Variants in ANKS1B observed in about 807,000 individuals in gnomAD.
ANKS1B encodes the protein ankyrin repeat and sterile alpha motif domain containing 1B, also known as ankyrin repeat and sterile alpha motif domain-containing protein 1B.
ANKS1B carries 36 observed loss-of-function variants against 148.3 expected under a neutral mutation model. That is an observed-to-expected ratio of 0.24 (90% CI 0.19 to 0.32). ANKS1B has a LOEUF of 0.32. Among genes scored for constraint, ANKS1B ranks in the 10% least tolerant of loss-of-function variants. The pLI, the probability that ANKS1B is intolerant of heterozygous loss-of-function variation, is 1.00. For missense variants in ANKS1B, 1,157 were observed against 1,542.6 expected (o/e 0.75, Z 4.19); for synonymous variants, 542 against 560.8 (o/e 0.97, Z 0.47).
At chr12:98,951,558 G>A (rs1309600712) in intron 17 of ANKS1B, among the ~76,000 whole-genome samples, 3 of 152,002 alleles carry the variant, frequency 2.0e-5, no homozygotes, top group South Asian at 2.1e-4. Context: ...GCCCTGACTC[G>A]GTAGCCTGGC....
At chr12:98,963,826 G>A (rs573767941) in intron 17 of ANKS1B, among the ~76,000 whole-genome samples, 6 of 152,206 alleles carry the variant, frequency 3.9e-5, no homozygotes, top group South Asian at 4.2e-4. Context: ...TAGGCCAGGC[G>A]TGGTGGCTCA....
chr12:99,339,477 T>C lies in ANKS1B; in HGVS notation c.1756+60154A>G, dbSNP rs745468601. On this transcript the variant is annotated intron_variant, in intron 12 of 26. Transcript: ENST00000683438. ...TCCTAGATATGATGTTAAAACCAGGTACTGTGATTGCTCACCTAAATTTTG... is the reference window on the plus strand; with the variant it reads ...TCCTAGATATGATGTTAAAACCAGGCACTGTGATTGCTCACCTAAATTTTG... 5.3e-5 allele frequency among the ~76,000 whole-genome samples: 8 copies of C among 152,292 alleles called. No homozygotes were observed. The South Asian group carries it at 8.3e-4, about 16-fold the overall frequency.
intron 14 of ANKS1B, among the ~76,000 whole-genome samples, chr12:99,202,533 T>C (rs910414096): frequency 5.9e-5 from 9 of 152,226 alleles, no homozygotes; most frequent in African/African-American, 2.2e-4. Context: ...GGCATTCCAT[T>C]CTATACTGAA....
chr12:98,849,001 A>T (rs1178125310), intron 17 of ANKS1B, among the ~76,000 whole-genome samples: 1 of 151,888 alleles, frequency 6.6e-6, no homozygotes, highest in Non-Finnish European at 1.5e-5. Context: ...GGCCTCCCCA[A>T]ATGCTGGGAT....
chr12:99,919,946 T>C (rs1321749591), intron 1 of ANKS1B, among the ~76,000 whole-genome samples: 3 of 152,200 alleles, frequency 2.0e-5, no homozygotes, highest in African/African-American at 7.2e-5. Context: ...ACTTTCTTTA[T>C]GGTGGCCACT....
At chr12:98,808,661 T>C (rs117444547) in intron 19 of ANKS1B, among the ~76,000 whole-genome samples, 1 of 152,226 alleles carries the variant, frequency 6.6e-6, no homozygotes, top group Non-Finnish European at 1.5e-5. Context: ...TTATCAGTAA[T>C]GTTTGCTCAG....
At chr12:98,955,646 A>C (rs2099860950) in intron 17 of ANKS1B, among the ~76,000 whole-genome samples, 1 of 152,164 alleles carries the variant, frequency 6.6e-6, no homozygotes. Flanking sequence ...GGATTTGCTG[A>C]AAGATTGAAT....
intron 17 of ANKS1B, among the ~76,000 whole-genome samples, chr12:98,918,823 A>G (rs1057128296): frequency 6.6e-6 from 1 of 152,140 alleles, no homozygotes; most frequent in East Asian, 1.9e-4. Context: ...TATTTTTCAT[A>G]TGTTATGGGA....
At chr12:99,595,688 T>C (rs1273030242) in intron 9 of ANKS1B, among the ~76,000 whole-genome samples, 1 of 151,928 alleles carries the variant, frequency 6.6e-6, no homozygotes, top group Admixed American at 6.6e-5. Flanking sequence ...AAGATTCAAG[T>C]AAATCTACTT....
At chr12:99,289,506 A>G (rs1410231797) in intron 12 of ANKS1B, among the ~76,000 whole-genome samples, 1 of 152,256 alleles carries the variant, frequency 6.6e-6, no homozygotes, top group East Asian at 1.9e-4. Flanking sequence ...TCAAGTATAG[A>G]TGATATGTTA....
chr12:99,685,147 T>C (rs1861943707), intron 8 of ANKS1B, among the ~76,000 whole-genome samples: 1 of 151,340 alleles, frequency 6.6e-6, no homozygotes, highest in Non-Finnish European at 1.5e-5. Context: ...ACCCACAGAG[T>C]GGGAGAAAAT....
intron 17 of ANKS1B, among the ~76,000 whole-genome samples, chr12:99,023,670 T>G (rs1265658157): frequency 6.6e-6 from 1 of 151,948 alleles, no homozygotes; most frequent in African/African-American, 2.4e-5. Context: ...TCAATTAAAG[T>G]GTACTTTTCT....
intron 8 of ANKS1B, among the ~76,000 whole-genome samples, chr12:99,658,763 C>T (rs1472646308): frequency 6.6e-6 from 1 of 152,006 alleles, no homozygotes; most frequent in Non-Finnish European, 1.5e-5. Flanking sequence ...GAGACTGGCA[C>T]ATAAAAAATC....
At chr12:99,190,634 A>G (rs969229554) in intron 14 of ANKS1B, among the ~76,000 whole-genome samples, 1 of 152,194 alleles carries the variant, frequency 6.6e-6, no homozygotes, top group African/African-American at 2.4e-5. Context: ...AAAACTGGCT[A>G]GCCATATGCA....
intron 12 of ANKS1B, among the ~76,000 whole-genome samples, chr12:99,302,665 C>T (rs899589782): frequency 2.0e-5 from 3 of 152,074 alleles, no homozygotes; most frequent in African/African-American, 7.2e-5. Context: ...CCTTTATTCA[C>T]TGACTTTCTC....
rs12316492 is a variant in ANKS1B at position 99,070,287 on chromosome 12, T to C, written c.2625+14638A>G. On this transcript the variant is annotated intron_variant, in intron 16 of 26. Coordinates refer to ENST00000683438, the MANE Select transcript of ANKS1B (RefSeq NM_001352186.2). ...TACTGGTTTGAAGTAGAAAATCTCA[T>C]TGATTACCGCCCCTCCTCATCCCCC... 6.7e-3 allele frequency among the ~76,000 whole-genome samples: 1,018 copies of C among 152,268 alleles called. 15 individuals carry two copies. The highest frequency in any genetic ancestry group is 0.023 in the African/African-American group (974 of 41,552).
At chr12:98,904,312 T>C (rs1334341376) in intron 17 of ANKS1B, among the ~76,000 whole-genome samples, 1 of 151,968 alleles carries the variant, frequency 6.6e-6, no homozygotes, top group Non-Finnish European at 1.5e-5. Flanking sequence ...TAGACAGGTG[T>C]TGAAAAGCAG....
intron 1 of ANKS1B, among the ~76,000 whole-genome samples, chr12:99,892,920 G>A (rs1374879517): frequency 2.0e-5 from 3 of 152,120 alleles, no homozygotes; most frequent in Non-Finnish European, 4.4e-5. Flanking sequence ...TAAAAGATTA[G>A]AAGAATCTGG....
rs895447042 is a variant in ANKS1B, at chr12:99,010,564, C to T, written c.2778+42593G>A. ...ATTGATGAAATAGGTATTACAATAT[C>T]CCTATTTTGCAGGTGAGAAAACTGT... is the stretch of plus-strand genomic sequence containing the variant. On this transcript the variant is annotated intron_variant, in intron 17 of 26. Coordinates refer to ENST00000683438, the MANE Select transcript of ANKS1B (RefSeq NM_001352186.2). 4.6e-5 allele frequency among the ~76,000 whole-genome samples: 7 copies of T among 152,142 alleles called. No homozygotes were observed. In the East Asian group the frequency reaches 1.4e-3, roughly 29 times the overall value.
Sources: gnomAD v4.1 joint callset for allele counts (sites outside exome capture counted in the v4.1 genomes callset) on GRCh38, gnomAD v4.1.1 for gene constraint, MANE v1.5 for transcripts, NCBI Gene and HGNC (gene_info 2026-07-23, HGNC 2026-07-21) for gene names.